Variants in ZC3H14 observed in about 807,000 individuals in gnomAD.
ZC3H14 encodes zinc finger CCCH-type containing 14.
A neutral mutation model predicts 92.4 loss-of-function variants in ZC3H14; 31 were observed. The observed-to-expected ratio is 0.34, with a 90% CI of 0.25 to 0.45. ZC3H14 has a LOEUF of 0.45. Ranked by LOEUF, ZC3H14 falls within the 20% of genes least tolerant of loss-of-function variation. The probability of loss-of-function intolerance (pLI) is 1.00; values close to 1 mark genes in which losing one functional copy is unlikely to be tolerated. For synonymous variants in ZC3H14, 321 were observed against 300.9 expected (o/e 1.07, Z -0.69); for missense variants, 781 against 897.3 (o/e 0.87, Z 1.66).
At position 88,578,793 on chromosome 14, in the gene ZC3H14, T is replaced by G. The variant is rs59590724; in HGVS notation, c.1279+653T>G. Among the ~76,000 whole-genome samples, 22 of 144,286 alleles carry G rather than the reference T, an allele frequency of 1.5e-4. 1 individual carries two copies. The East Asian group carries it at 3.8e-3, about 25-fold the overall frequency. 94.7% of individuals were successfully genotyped at this position (144,286 alleles called of 152,430 possible). ...AGTTTGCTTCCAGGTTTTTTTTTTT[T>G]TTTTTTTTTTTTGCTTTTTTCTCAG... On this transcript the variant is annotated intron_variant, in intron 9 of 16. Transcript: ENST00000251038.
rs1595238831 is a variant in ZC3H14 at position 88,624,850 on chromosome 14, T to A, written c.*13099T>A. ...CATAAAAGGTAATAAAGGAGAAGCA[T>A]ATGAGGAGGAAGGTCGGAGAGGACA... is the stretch of plus-strand genomic sequence containing the variant. On this transcript the variant is annotated 3_prime_UTR_variant, in exon 17 of 17. Coordinates refer to ENST00000251038, the MANE Select transcript of ZC3H14 (RefSeq NM_024824.5). 2.9e-6 allele frequency: 3 copies of A among 1,041,554 alleles called. No individual in the cohort carries two copies. In the African/African-American group the frequency reaches 5.0e-5, roughly 17 times the overall value. 64.5% of individuals were successfully genotyped at this position (1,041,554 alleles called of 1,614,324 possible).
rs761752603 is a variant in ZC3H14 at position 88,563,667 on chromosome 14, A to G, written c.53A>G (p.Lys18Arg). Residue 18 changes from lysine (K) to arginine (R), a missense_variant, in exon 2 of 17, where the codon AAA becomes AGA. This residue lies in a region of ZC3H14 where 106 missense variants were observed against 154.2 expected (regional missense o/e 0.69). Transcript: ENST00000251038. ...SRKIRSAIKG[K>R]LQELGAYVDE... ...TTCTCTCAGAGTGCCATTAAGGGGA[A>G]ATTACAAGAATTAGGAGCTTATGTT... 1.2e-6 allele frequency: 2 copies of G among 1,614,126 alleles called. No individual in the cohort carries two copies. Among genetic ancestry groups the G allele is most frequent in the African/African-American group, 2.7e-5 (2 of 74,960 alleles).
At chr14:88,572,252 G>T in intron 5 of ZC3H14, 27 bp downstream of exon 5, 2 of 1,611,140 alleles carry the variant, frequency 1.2e-6, no homozygotes, top group Non-Finnish European at 1.7e-6. Flanking sequence ...GACCTGCTGG[G>T]GGCAGATGGC....
Position 88,572,585 on chromosome 14 carries a change from T to A in ZC3H14, c.439T>A (p.Tyr147Asn), listed in dbSNP as rs2080577589. The part of the protein sequence containing the change: ...ESKTTNVRQT[Y>N]DDGAATRLMS... ...TGTTGTTCTTTTAAATAGACAGACT[T>A]ACGATGATGGAGCTGCAACCCGACT... is the stretch of plus-strand genomic sequence containing the variant. The change falls in exon 6 of 17, where the codon TAC (tyrosine) becomes AAC (asparagine). Residue 147 changes from tyrosine to asparagine, a missense_variant. Physicochemically the swap from Tyr to Asn is moderately radical, Grantham distance 143 (BLOSUM62 -2). Coordinates refer to ENST00000251038, the MANE Select transcript of ZC3H14 (RefSeq NM_024824.5). 6.2e-7 allele frequency: 1 copy of A among 1,614,068 alleles called. No homozygotes were observed. The highest frequency in any genetic ancestry group is 1.3e-5 in the African/African-American group (1 of 74,942).
At chr14:88,565,877 C>CT (rs980908290) in intron 2 of ZC3H14, among the ~76,000 whole-genome samples, 15 of 150,628 alleles carry the variant, frequency 1.0e-4, no homozygotes, top group Admixed American at 4.6e-4. Flanking sequence ...TTTTCTTTTT[C>CT]TTTTTTTTGA....
intron 12 of ZC3H14, among the ~76,000 whole-genome samples, chr14:88,605,739 G>T (rs1299609030): frequency 6.6e-6 from 1 of 152,200 alleles, no homozygotes; most frequent in Non-Finnish European, 1.5e-5. Flanking sequence ...TGGGCTGCAT[G>T]ACTACATTTG....
At position 88,616,025 on chromosome 14, in the gene ZC3H14, C is replaced by T; in HGVS notation, c.*4274C>T. On this transcript the variant is annotated 3_prime_UTR_variant, in exon 17 of 17. Transcript: ENST00000251038. Reference sequence around the variant, plus strand: ...GATTCTGAAGAGCCATCTGGTTATACTACCTTCTACTAATGTTGACTAGCT... The same window carrying T: ...GATTCTGAAGAGCCATCTGGTTATATTACCTTCTACTAATGTTGACTAGCT... The T allele has an allele frequency of 3.1e-6, 4 of 1,293,036 alleles. No individual in the cohort carries two copies. Among genetic ancestry groups the T allele is most frequent in the Non-Finnish European group, 1.1e-6 (1 of 905,606 alleles). 80.1% of individuals were successfully genotyped at this position (1,293,036 alleles called of 1,614,324 possible). A position where few individuals can be genotyped will look rare whatever the true frequency, so the allele number is the denominator to read the frequency against.
intron 9 of ZC3H14, among the ~76,000 whole-genome samples, chr14:88,588,864 A>T (rs1223001301): frequency 6.6e-6 from 1 of 152,064 alleles, no homozygotes; most frequent in Non-Finnish European, 1.5e-5. Context: ...TAGTCTCCTT[A>T]CTGAACATTT....
At chr14:88,563,346 T>C in intron 1 of ZC3H14, 177 bp downstream of exon 1, 1 of 1,471,260 alleles carries the variant, frequency 6.8e-7, no homozygotes, top group Non-Finnish European at 8.9e-7. Context: ...ATTTGCGGCC[T>C]CGGAGCGTGG....
chr14:88,610,197 G>C (rs1566987885), intron 15 of ZC3H14, among the ~76,000 whole-genome samples: 1 of 152,166 alleles, frequency 6.6e-6, no homozygotes, highest in Non-Finnish European at 1.5e-5. Flanking sequence ...TGAATCTCCA[G>C]ATGTTTAGTT....
intron 9 of ZC3H14, among the ~76,000 whole-genome samples, chr14:88,582,085 A>C (rs1301010488): frequency 6.6e-6 from 1 of 152,238 alleles, no homozygotes; most frequent in Non-Finnish European, 1.5e-5. Context: ...TATAGCTTGC[A>C]TAGCCTAAAA....
rs2089141351 is a variant in ZC3H14 at position 88,622,290 on chromosome 14, A to G, written c.*10539A>G. On this transcript the variant is annotated 3_prime_UTR_variant, in exon 17 of 17. Coordinates refer to ENST00000251038, the MANE Select transcript of ZC3H14 (RefSeq NM_024824.5). ...TAGGGAATGTGTGTTTTTTTAAAAAATGGAGACAGCTGTCCTAATATGAGT... is the reference window on the plus strand; with the variant it reads ...TAGGGAATGTGTGTTTTTTTAAAAAGTGGAGACAGCTGTCCTAATATGAGT... The G allele has an allele frequency of 8.7e-6, 2 of 230,988 alleles. No individual in the cohort carries two copies. The highest frequency in any genetic ancestry group is 1.7e-5 in the Non-Finnish European group (2 of 118,492). 14.3% of individuals were successfully genotyped at this position (230,988 alleles called of 1,614,324 possible). A position where few individuals can be genotyped will look rare whatever the true frequency, so the allele number is the denominator to read the frequency against.
intron 9 of ZC3H14, among the ~76,000 whole-genome samples, chr14:88,582,603 T>C (rs2082026851): frequency 6.6e-6 from 1 of 152,208 alleles, no homozygotes; most frequent in Admixed American, 6.5e-5. Flanking sequence ...GGGTGGCAGA[T>C]GACGTTCTCT....
Position 88,609,255 on chromosome 14 carries a change from TTTG to T in ZC3H14, c.1869-9_1869-7del, listed in dbSNP as rs2086137455. Reference sequence around the variant, plus strand: ...GATTGAATATGAAATATGCTTTTTTTTTGTTTTGTAGAGCCTTCCCCAATTGTA... The same window carrying T: ...GATTGAATATGAAATATGCTTTTTTTTTTTGTAGAGCCTTCCCCAATTGTA... On this transcript the variant is annotated splice_polypyrimidine_tract_variant and intron_variant, in intron 13 of 16. Transcript: ENST00000251038. 6.2e-7 allele frequency: 1 copy of T among 1,613,806 alleles called. No individual in the cohort carries two copies. Among genetic ancestry groups the T allele is most frequent in the Non-Finnish European group, 8.5e-7 (1 of 1,179,924 alleles).
rs770330844 is a variant in ZC3H14, at chr14:88,614,344, A to G, written c.*2593A>G. 10 of 152,350 alleles carry G rather than the reference A, an allele frequency of 6.6e-5. No homozygotes were observed. Among genetic ancestry groups the G allele is most frequent in the Non-Finnish European group, 1.3e-4 (9 of 68,026 alleles). The allele number at this position is 152,350 out of a possible 1,614,324, so 9.4% of individuals were successfully genotyped here. ...CTTACGTTTCAAGCTTCTTAGCCCC[A>G]TAATCAGTCCTTCAGCCACAGCTAT... On this transcript the variant is annotated 3_prime_UTR_variant, in exon 17 of 17. Transcript: ENST00000251038.
At position 88,572,608 on chromosome 14, in the gene ZC3H14, A is replaced by G. The variant is rs760811356; in HGVS notation, c.462A>G (p.Arg154=). 2 of 1,614,184 alleles carry G rather than the reference A, an allele frequency of 1.2e-6. No individual in the cohort carries two copies. Among genetic ancestry groups the G allele is most frequent in the African/African-American group, 1.3e-5 (1 of 75,044 alleles). Residue 154 remains arginine (R), a synonymous_variant, in exon 6 of 17, where the codon CGA becomes CGG. Transcript: ENST00000251038. The stretch of plus-strand genomic sequence containing the variant: ...CTTACGATGATGGAGCTGCAACCCG[A>G]CTAATGTCAACAGTGAAACCTTTGA... The part of the protein sequence containing the change: ...RQTYDDGAAT[R]LMSTVKPLRE...
At chr14:88,571,163 A>G (rs978776827) in intron 4 of ZC3H14, 39 bp downstream of exon 4, 5 of 1,512,814 alleles carry the variant, frequency 3.3e-6, no homozygotes, top group East Asian at 2.3e-5. Context: ...TCTGCTTGCT[A>G]TGGCATATGA....
chr14:88,588,423 C>T (rs1357804861), intron 9 of ZC3H14, among the ~76,000 whole-genome samples: 1 of 152,162 alleles, frequency 6.6e-6, no homozygotes, highest in Non-Finnish European at 1.5e-5. Flanking sequence ...TGACTAGGTA[C>T]AGAATTATAG....
Position 88,578,781 on chromosome 14 carries a change from GTTTTTTTTTTTTTT to G in ZC3H14, c.1279+652_1279+665del, listed in dbSNP as rs35101368. ...CTAACATACTTCAGTTTGCTTCCAG[GTTTTTTTTTTTTTT>G]TTTTTTTTTTGCTTTTTTCTCAGCT... On this transcript the variant is annotated intron_variant, in intron 9 of 16. Transcript: ENST00000251038. 1.6e-4 allele frequency among the ~76,000 whole-genome samples: 12 copies of G among 76,816 alleles called. No individual in the cohort carries two copies. The Admixed American group carries it at 1.9e-3, about 12-fold the overall frequency. 50.4% of individuals were successfully genotyped at this position (76,816 alleles called of 152,430 possible). A position where few individuals can be genotyped will look rare whatever the true frequency, so the allele number is the denominator to read the frequency against.
Sources: gnomAD v4.1 joint callset for allele counts (sites outside exome capture counted in the v4.1 genomes callset) on GRCh38, gnomAD v4.1.1 for gene constraint, gnomAD v4.1.1 regional missense constraint, MANE v1.5 for transcripts, NCBI Gene and HGNC (gene_info 2026-07-23, HGNC 2026-07-21) for gene names.